Variants in SNORC observed in about 807,000 individuals in gnomAD.
SNORC encodes the protein protein SNORC.
SNORC carries 11 observed loss-of-function variants against 9.7 expected under a neutral mutation model. The ratio of observed to expected loss-of-function variants is 1.14; its 90% CI spans 0.72 to 1.88. The LOEUF is 1.88. SNORC is among the 40% of genes most tolerant of loss of function. The probability of loss-of-function intolerance (pLI) is 0.00; values close to 1 mark genes in which losing one functional copy is unlikely to be tolerated. For missense variants in SNORC, 197 were observed against 173.1 expected, an observed-to-expected ratio of 1.14 and a Z score of -0.77; for synonymous variants, 108 against 88.7, an observed-to-expected ratio of 1.22 and a Z score of -1.22.
At chr2:232,876,907 G>C (rs545159494), downstream of SNORC, 8 of 985,456 alleles carry the variant, frequency 8.1e-6, no homozygotes, top group Admixed American at 1.2e-4. The surrounding 1 kb of genome is among the most constrained non-coding windows in gnomAD (Gnocchi z 6.8). Context: ...CTGGGGTTCA[G>C]AGCGTTCCGT....
downstream of SNORC, chr2:232,877,128 C>T (rs1373791612): frequency 3.0e-6 from 3 of 985,792 alleles, no homozygotes; most frequent in Non-Finnish European, 3.6e-6. Flanking sequence ...CAGGGAGCCT[C>T]AGGAGCAGGA....
upstream of SNORC, chr2:232,868,941 C>T (rs1172433448): frequency 6.6e-6 from 1 of 152,128 alleles, no homozygotes; most frequent in Non-Finnish European, 1.5e-5. Flanking sequence ...TAGCAAAATT[C>T]GTATCTTACT....
downstream of SNORC, chr2:232,877,148 A>C (rs1033558384): frequency 1.0e-6 from 1 of 985,470 alleles, no homozygotes; most frequent in African/African-American, 1.7e-5. Context: ...ATGAGTCGAG[A>C]GTCGACGCCG....
intron 1 of SNORC, among the ~76,000 whole-genome samples, chr2:232,870,868 C>G (rs1361359804): frequency 6.6e-6 from 1 of 152,184 alleles, no homozygotes; most frequent in Non-Finnish European, 1.5e-5. Context: ...GACCCAGGTA[C>G]TGTCCCCATC....
chr2:232,868,009 C>G (rs1690909622), upstream of SNORC, among the ~76,000 whole-genome samples: 1 of 152,172 alleles, frequency 6.6e-6, no homozygotes, highest in Non-Finnish European at 1.5e-5. Flanking sequence ...GTTCTGGGAA[C>G]CAAGTGAGAA....
At chr2:232,877,778 C>T (rs1691333194), downstream of SNORC, 1 of 152,268 alleles carries the variant, frequency 6.6e-6, no homozygotes, top group Non-Finnish European at 1.5e-5. Context: ...AATGATTCTG[C>T]TTATAAAGGA....
In SNORC at chr2:232,873,883, A is replaced by G. The variant is rs369338747; in HGVS notation, c.74-2057A>G. Among the ~76,000 whole-genome samples, 17 of 152,342 alleles carry G rather than the reference A, an allele frequency of 1.1e-4. No individual in the cohort carries two copies. The South Asian group carries it at 2.7e-3, about 24-fold the overall frequency. On this transcript the variant is annotated intron_variant, in intron 1 of 2. Coordinates refer to ENST00000331342, the Ensembl canonical transcript of SNORC. ...GGGAGGCTAGAGAGACATCAGTGCT[A>G]CAGTGCAGCCTTGGGCCCCTCGGGA...
At chr2:232,872,471 G>C (rs1007745553) in intron 1 of SNORC, among the ~76,000 whole-genome samples, 8 of 152,214 alleles carry the variant, frequency 5.3e-5, no homozygotes, top group Non-Finnish European at 7.4e-5. Flanking sequence ...GGCTGGGAGA[G>C]AGCCCGTGGT....
rs1371784360 is a variant in SNORC, at chr2:232,874,871, G to A, written c.74-1069G>A. ...TCAGCCCACCTGTGCTCACCACCACGGCACCTTATCCCCAAGCCTTGGCTT... is the reference window on the plus strand; with the variant it reads ...TCAGCCCACCTGTGCTCACCACCACAGCACCTTATCCCCAAGCCTTGGCTT... On this transcript the variant is annotated intron_variant, in intron 1 of 2. Coordinates refer to ENST00000331342, the Ensembl canonical transcript of SNORC. Among the ~76,000 whole-genome samples the A allele has an allele frequency of 2.0e-5, 3 of 152,212 alleles. No individual in the cohort carries two copies. In the South Asian group the frequency reaches 6.2e-4, roughly 31 times the overall value.
chr2:232,876,418 ATGTCCGCGCGTGCG>A (rs1489896717), downstream of SNORC: 4 of 1,464,860 alleles, frequency 2.7e-6, no homozygotes, highest in East Asian at 2.9e-5. The surrounding 1 kb of genome is among the most constrained non-coding windows in gnomAD (Gnocchi z 6.8). Context: ...ACGCGCCTGT[ATGTCCGCGCGTGCG>A]TGTCCGCGCA....
chr2:232,872,707 C>T (rs147865214), intron 1 of SNORC, among the ~76,000 whole-genome samples: 4 of 152,340 alleles, frequency 2.6e-5, no homozygotes, highest in Non-Finnish European at 5.9e-5. Flanking sequence ...ACCTTCGCTC[C>T]TGCCCCATCT....
chr2:232,870,113 G>A (rs1021366009), upstream of SNORC, among the ~76,000 whole-genome samples: 18 of 151,654 alleles, frequency 1.2e-4, no homozygotes, highest in African/African-American at 4.4e-4. Context: ...CCAAGAGCGG[G>A]GCTGCTCCCA....
chr2:232,870,967 G>A (rs966105293), intron 1 of SNORC, among the ~76,000 whole-genome samples: 2 of 152,316 alleles, frequency 1.3e-5, no homozygotes, highest in East Asian at 1.9e-4. Context: ...TCAGAGTGGC[G>A]GAGTCTGGGG....
At chr2:232,873,581 G>T (rs1385649748) in intron 1 of SNORC, among the ~76,000 whole-genome samples, 1 of 152,224 alleles carries the variant, frequency 6.6e-6, no homozygotes, top group African/African-American at 2.4e-5. Flanking sequence ...TCCAGATGCA[G>T]GGAGGTGCCT....
chr2:232,871,259 A>T (rs182262519), intron 1 of SNORC, among the ~76,000 whole-genome samples: 2 of 152,000 alleles, frequency 1.3e-5, no homozygotes, highest in Admixed American at 6.5e-5. Flanking sequence ...CTTCTGGGGG[A>T]CGACAGGCCT....
At chr2:232,866,741 T>G (rs1559178311), upstream of SNORC, among the ~76,000 whole-genome samples, 1 of 151,754 alleles carries the variant, frequency 6.6e-6, no homozygotes, top group Non-Finnish European at 1.5e-5. Flanking sequence ...TGATGTGGAG[T>G]CTTGTTCTGC....
At chr2:232,867,732 A>G (rs1002828498), upstream of SNORC, among the ~76,000 whole-genome samples, 3 of 152,172 alleles carry the variant, frequency 2.0e-5, no homozygotes, top group Non-Finnish European at 4.4e-5. Context: ...CCTATCATCC[A>G]TATGTCACTT....
At chr2:232,867,878 G>T (rs1690907582), upstream of SNORC, among the ~76,000 whole-genome samples, 1 of 152,194 alleles carries the variant, frequency 6.6e-6, no homozygotes, top group Non-Finnish European at 1.5e-5. Context: ...AGCTATTCTG[G>T]TCCACGACTG....
At chr2:232,877,411 A>T, downstream of SNORC, 4 of 970,006 alleles carry the variant, frequency 4.1e-6, no homozygotes, top group Non-Finnish European at 4.9e-6. Flanking sequence ...GGAAGTGGGA[A>T]CTTGGTCCCT....
Sources: allele counts gnomAD v4.1 joint callset (sites outside exome capture counted in the v4.1 genomes callset), GRCh38; gene constraint gnomAD v4.1.1; non-coding constraint Gnocchi (gnomAD v3.1); transcripts MANE v1.5; gene names NCBI Gene and HGNC (gene_info 2026-07-23, HGNC 2026-07-21).